KIRREL3: variants seen among roughly 807,000 people sequenced by gnomAD.
KIRREL3 encodes kirre like nephrin family adhesion molecule 3, also known as kin of IRRE-like protein 3.
In KIRREL3, 36 loss-of-function variants were observed where a neutral mutation model predicts 89.7. That is an observed-to-expected ratio of 0.40 (90% CI 0.31 to 0.53). The LOEUF (loss-of-function observed/expected upper bound fraction) is 0.53, where lower values mean the gene tolerates loss of function less well. KIRREL3 is among the 20% of genes least tolerant of loss of function. The pLI is 0.49. For missense variants in KIRREL3, 864 were observed against 1,056.6 expected (o/e 0.82, Z 2.53); for synonymous variants, 445 against 441.4 (o/e 1.01, Z -0.10).
At chr11:126,451,638 G>A (rs1198440667) in intron 7 of KIRREL3, among the ~76,000 whole-genome samples, 2 of 151,690 alleles carry the variant, frequency 1.3e-5, no homozygotes, top group Non-Finnish European at 2.9e-5. Flanking sequence ...ATGTGCATGT[G>A]TGCATGTATG....
In KIRREL3 at chr11:126,995,575, T is replaced by G. The variant is rs1275063130; in HGVS notation, c.55+4880A>C. On this transcript the variant is annotated intron_variant, in intron 1 of 16. Coordinates refer to ENST00000525144, the MANE Select transcript of KIRREL3 (RefSeq NM_032531.4). The surrounding 1 kb of genome is among the most constrained non-coding windows in gnomAD (Gnocchi z 6.5). ...ATCTATATCAAGACCATAAAACCAG[T>G]GCTTTTGGCCCTCCTCCTCACTCCT... The G allele has an allele frequency of 3.2e-6, 1 of 315,212 alleles. No individual in the cohort carries two copies. The highest frequency in any genetic ancestry group is 6.2e-6 in the Non-Finnish European group (1 of 161,790). 19.5% of individuals were successfully genotyped at this position (315,212 alleles called of 1,614,324 possible). A position where few individuals can be genotyped will look rare whatever the true frequency, so the allele number is the denominator to read the frequency against.
intron 1 of KIRREL3, among the ~76,000 whole-genome samples, chr11:126,810,573 GAACCGCAAGGAAAGAC>G (rs372090994): frequency 0.031 from 4,720 of 152,222 alleles, 77 homozygotes; most frequent in African/African-American, 0.044. Context: ...TGGGAGTATG[GAACCGCAAGGAAAGAC>G]AATAAGGCCA....
chr11:126,450,248 T>C (rs11220498), intron 7 of KIRREL3, among the ~76,000 whole-genome samples: 4 of 132,254 alleles, frequency 3.0e-5, no homozygotes, highest in African/African-American at 1.7e-4. Flanking sequence ...TGAATATGCA[T>C]GTGTGAGTGT....
rs765959665 is a variant in KIRREL3 at position 126,754,825 on chromosome 11, G to A, written c.56-191913C>T. Among the ~76,000 whole-genome samples, 3 of 152,168 alleles carry A rather than the reference G, an allele frequency of 2.0e-5. No individual in the cohort carries two copies. Among genetic ancestry groups the A allele is most frequent in the Non-Finnish European group, 2.9e-5 (2 of 68,024 alleles). The stretch of plus-strand genomic sequence containing the variant: ...ATAGGTCACCACAAATCACCACTTA[G>A]GAAATGACTGGTCTCTTTCTCCATG... On this transcript the variant is annotated intron_variant, in intron 1 of 16. Coordinates refer to ENST00000525144, the MANE Select transcript of KIRREL3 (RefSeq NM_032531.4). This position sits in a 1 kb window ranked among gnomAD's most constrained non-coding sequence, Gnocchi z 5.1.
intron 1 of KIRREL3, among the ~76,000 whole-genome samples, chr11:126,658,954 C>T (rs1945275323): frequency 6.6e-6 from 1 of 152,182 alleles, no homozygotes; most frequent in South Asian, 2.1e-4. Flanking sequence ...GGCAGTTGGT[C>T]ACAGCTGTTG....
In KIRREL3 at chr11:126,722,745, TC is replaced by T. The variant is rs767278657; in HGVS notation, c.56-159834del. 4.9e-4 allele frequency among the ~76,000 whole-genome samples: 75 copies of T among 152,380 alleles called. 1 individual carries two copies. The highest frequency in any genetic ancestry group is 1.5e-3 in the Admixed American group (23 of 15,312). On this transcript the variant is annotated intron_variant, in intron 1 of 16. Transcript: ENST00000525144. ...ATGTCTTCCCCACTAGAATGTAAGC[TC>T]CGTGTGGACAAGGATTTTTGTCTGT... is the stretch of plus-strand genomic sequence containing the variant.
rs557244652 is a variant in KIRREL3, at chr11:126,930,006, G to A, written c.55+70449C>T. ...ACACTTGAGGGAGGAGGAAGGAGGG[G>A]TGTGTAATTTGTTCATTTCTTATAT... is the stretch of plus-strand genomic sequence containing the variant. On this transcript the variant is annotated intron_variant, in intron 1 of 16. Coordinates refer to ENST00000525144, the MANE Select transcript of KIRREL3 (RefSeq NM_032531.4). Among the ~76,000 whole-genome samples, 12 of 152,096 alleles carry A rather than the reference G, an allele frequency of 7.9e-5. No homozygotes were observed. The East Asian group carries it at 1.4e-3, about 17-fold the overall frequency.
At position 126,555,007 on chromosome 11, in the gene KIRREL3, C is replaced by G. The variant is rs1285720573; in HGVS notation, c.133+7828G>C. Among the ~76,000 whole-genome samples, 1 of 152,180 alleles carries G rather than the reference C, an allele frequency of 6.6e-6. No individual in the cohort carries two copies. Among genetic ancestry groups the G allele is most frequent in the Non-Finnish European group, 1.5e-5 (1 of 68,022 alleles). ...GCCTTCTTCCTGCACCATCCCCTTTCCAACTCCTCATTCCGCCAAGAGCCC... is the reference window on the plus strand; with the variant it reads ...GCCTTCTTCCTGCACCATCCCCTTTGCAACTCCTCATTCCGCCAAGAGCCC... On this transcript the variant is annotated intron_variant, in intron 2 of 16. Transcript: ENST00000525144. The surrounding 1 kb of genome is among the most constrained non-coding windows in gnomAD (Gnocchi z 4.2).
In KIRREL3 at chr11:126,570,264, G is replaced by A. The variant is rs1176404129; in HGVS notation, c.56-7352C>T. On this transcript the variant is annotated intron_variant, in intron 1 of 16. Coordinates refer to ENST00000525144, the MANE Select transcript of KIRREL3 (RefSeq NM_032531.4). The surrounding 1 kb of genome is among the most constrained non-coding windows in gnomAD (Gnocchi z 6.1). ...TGCTTCTTCATTGCTTATTTCATAT[G>A]AGTTAATTATACTAGAACTAAGTTT... Among the ~76,000 whole-genome samples the A allele has an allele frequency of 6.6e-6, 1 of 151,986 alleles. No homozygotes were observed. Among genetic ancestry groups the A allele is most frequent in the African/African-American group, 2.4e-5 (1 of 41,308 alleles).
At chr11:126,921,402 T>C (rs73014605) in intron 1 of KIRREL3, among the ~76,000 whole-genome samples, 3,860 of 88,512 alleles carry the variant, frequency 0.044, 92 homozygotes, top group South Asian at 0.15. Context: ...TATCTATCTA[T>C]CTATCTATCT....
In KIRREL3 at chr11:126,955,094, G is replaced by A. The variant is rs997117411; in HGVS notation, c.55+45361C>T. On this transcript the variant is annotated intron_variant, in intron 1 of 16. Coordinates refer to ENST00000525144, the MANE Select transcript of KIRREL3 (RefSeq NM_032531.4). The surrounding 1 kb of genome is among the most constrained non-coding windows in gnomAD (Gnocchi z 4.6). ...TGTTTGTGCCCTGAAGGCCACATCTGCCTGAGGGGGTACTGCTGCAGGCGT... is the reference window on the plus strand; with the variant it reads ...TGTTTGTGCCCTGAAGGCCACATCTACCTGAGGGGGTACTGCTGCAGGCGT... Among the ~76,000 whole-genome samples, 5 of 152,192 alleles carry A rather than the reference G, an allele frequency of 3.3e-5. No individual in the cohort carries two copies. Among genetic ancestry groups the A allele is most frequent in the African/African-American group, 1.2e-4 (5 of 41,452 alleles).
In KIRREL3 at chr11:126,734,887, T is replaced by C. The variant is rs1948749970; in HGVS notation, c.56-171975A>G. ...GGTGGTTGGGGAGGACAGTGTTAAT[T>C]GTGGCAGGATGGGGTTTGTGGTTGG... On this transcript the variant is annotated intron_variant, in intron 1 of 16. Coordinates refer to ENST00000525144, the MANE Select transcript of KIRREL3 (RefSeq NM_032531.4). The surrounding 1 kb of genome is among the most constrained non-coding windows in gnomAD (Gnocchi z 5.9). Among the ~76,000 whole-genome samples the C allele has an allele frequency of 6.6e-6, 1 of 152,042 alleles. No individual in the cohort carries two copies. The highest frequency in any genetic ancestry group is 2.4e-5 in the African/African-American group (1 of 41,380).
intron 1 of KIRREL3, among the ~76,000 whole-genome samples, chr11:126,756,200 T>C (rs1385445385): frequency 6.6e-6 from 1 of 152,232 alleles, no homozygotes; most frequent in African/African-American, 2.4e-5. Context: ...ACAATGATGA[T>C]AATCATTCAA....
rs1012856175 is a variant in KIRREL3, at chr11:126,981,977, TACA to T, written c.55+18475_55+18477del. Among the ~76,000 whole-genome samples the T allele has an allele frequency of 4.8e-4, 73 of 152,334 alleles. No individual in the cohort carries two copies. The highest frequency in any genetic ancestry group is 1.7e-3 in the African/African-American group (72 of 41,572). On this transcript the variant is annotated intron_variant, in intron 1 of 16. Coordinates refer to ENST00000525144, the MANE Select transcript of KIRREL3 (RefSeq NM_032531.4). The surrounding 1 kb of genome is among the most constrained non-coding windows in gnomAD (Gnocchi z 4.2). ...ATCAGATAGAACAAATGCAAATATA[TACA>T]AATTCATCCATATGAAGAAATAAAT...
intron 1 of KIRREL3, among the ~76,000 whole-genome samples, chr11:126,863,464 T>TGTGTGAGTGC (rs1319844759): frequency 1.1e-3 from 7 of 6,322 alleles, no homozygotes; most frequent in Admixed American, 6.9e-3. Context: ...TTTGAGTGCG[T>TGTGTGAGTGC]GTGTGTGTGA....
rs895518389 is a variant in KIRREL3, at chr11:126,485,230, C to T, written c.434-11764G>A. The stretch of plus-strand genomic sequence containing the variant: ...GAGAAAAGAGGAACAAGGAGCAAGA[C>T]GCAGGTTTAGGATGATGGCATGTAG... On this transcript the variant is annotated intron_variant, in intron 4 of 16. Coordinates refer to ENST00000525144, the MANE Select transcript of KIRREL3 (RefSeq NM_032531.4). The surrounding 1 kb of genome is among the most constrained non-coding windows in gnomAD (Gnocchi z 5.8). Among the ~76,000 whole-genome samples the T allele has an allele frequency of 2.6e-5, 4 of 152,150 alleles. No individual in the cohort carries two copies. The highest frequency in any genetic ancestry group is 1.3e-4 in the Admixed American group (2 of 15,282).
Position 126,841,168 on chromosome 11 carries a change from T to G in KIRREL3, c.55+159287A>C, listed in dbSNP as rs774354368. 5.9e-5 allele frequency among the ~76,000 whole-genome samples: 9 copies of G among 152,346 alleles called. No homozygotes were observed. The South Asian group carries it at 1.5e-3, about 25-fold the overall frequency. On this transcript the variant is annotated intron_variant, in intron 1 of 16. Transcript: ENST00000525144. ...GGTTTCAGGCATCCCCTGGGGGTTG[T>G]GAAACATATCCCCTGCAGATAAAGG...
In KIRREL3 at chr11:126,700,175, C is replaced by G. The variant is rs570515854; in HGVS notation, c.56-137263G>C. ...TGCCACTGCAGCTCAGCCTAGGAGA[C>G]AGAGTAAGACTTTGTCACAAAAAAA... On this transcript the variant is annotated intron_variant, in intron 1 of 16. Coordinates refer to ENST00000525144, the MANE Select transcript of KIRREL3 (RefSeq NM_032531.4). Among the ~76,000 whole-genome samples, 6 of 137,962 alleles carry G rather than the reference C, an allele frequency of 4.3e-5. No individual in the cohort carries two copies. In the South Asian group the frequency reaches 1.0e-3, roughly 23 times the overall value. The allele number at this position is 137,962 out of a possible 152,430, so 90.5% of individuals were successfully genotyped here.
chr11:126,483,114 G>A (rs764960951), intron 4 of KIRREL3, among the ~76,000 whole-genome samples: 11 of 152,212 alleles, frequency 7.2e-5, no homozygotes, highest in Non-Finnish European at 1.3e-4. Flanking sequence ...ATTCCAGAGG[G>A]ATCCTGCCCT....
Sources: gnomAD v4.1 joint callset for allele counts (sites outside exome capture counted in the v4.1 genomes callset) on GRCh38, gnomAD v4.1.1 for gene constraint, Gnocchi (gnomAD v3.1) non-coding constraint, MANE v1.5 for transcripts, NCBI Gene and HGNC (gene_info 2026-07-23, HGNC 2026-07-21) for gene names.